APBA2: variants seen among roughly 807,000 people sequenced by gnomAD.
APBA2 encodes the protein amyloid-beta A4 precursor protein-binding family A member 2.
A neutral mutation model predicts 75.0 loss-of-function variants in APBA2; 30 were observed. The observed-to-expected ratio is 0.40, with a 90% CI of 0.30 to 0.54. The LOEUF is 0.54. Ranked by LOEUF, APBA2 falls within the 20% of genes least tolerant of loss-of-function variation. The pLI is 0.49. For synonymous variants in APBA2, 444 were observed against 409.6 expected, an observed-to-expected ratio of 1.08 and a Z score of -1.01; for missense variants, 801 against 1,016.1, an observed-to-expected ratio of 0.79 and a Z score of 2.88.
rs763170307 is a variant in APBA2, at chr15:29,107,523, G to A, written c.1917+704G>A. 3.9e-5 allele frequency among the ~76,000 whole-genome samples: 6 copies of A among 152,280 alleles called. No homozygotes were observed. The East Asian group carries it at 9.7e-4, about 25-fold the overall frequency. ...GGAAGCGCCTTCCTCCTCTTTGTTC[G>A]GCATGAGAGATGAAGGGCATTCCCC... is the stretch of plus-strand genomic sequence containing the variant. On this transcript the variant is annotated intron_variant, in intron 12 of 14. Transcript: ENST00000683413.
chr15:29,042,262 T>G (rs2041085220), intron 3 of APBA2, among the ~76,000 whole-genome samples: 1 of 152,142 alleles, frequency 6.6e-6, no homozygotes, highest in Admixed American at 6.5e-5. Flanking sequence ...AGTAATCCCC[T>G]TCCTCTCTCT....
intron 6 of APBA2, among the ~76,000 whole-genome samples, chr15:29,076,806 A>G (rs1287150876): frequency 6.6e-6 from 1 of 152,228 alleles, no homozygotes; most frequent in East Asian, 1.9e-4. Context: ...AATTCTTATA[A>G]ATATTTATGG....
intron 1 of APBA2, among the ~76,000 whole-genome samples, chr15:28,917,778 TA>T (rs1182823250): frequency 1.3e-5 from 2 of 152,208 alleles, no homozygotes; most frequent in African/African-American, 4.8e-5. Flanking sequence ...AGTAGATCGT[TA>T]GTTGCTTTTT....
chr15:29,055,571 A>G (rs1053649954), intron 4 of APBA2, among the ~76,000 whole-genome samples: 7 of 152,208 alleles, frequency 4.6e-5, no homozygotes, highest in African/African-American at 1.7e-4. Context: ...GACTTGTGTG[A>G]AGGAACTTCT....
intron 3 of APBA2, among the ~76,000 whole-genome samples, chr15:29,041,026 T>C (rs1415186131): frequency 7.0e-6 from 1 of 141,970 alleles, no homozygotes; most frequent in Non-Finnish European, 1.5e-5. Flanking sequence ...AGCAGGGCAA[T>C]ATGAAAAAAA....
intron 3 of APBA2, among the ~76,000 whole-genome samples, chr15:29,012,763 T>A (rs2039463142): frequency 6.6e-6 from 1 of 152,214 alleles, no homozygotes. Context: ...CCTCAAGTTC[T>A]TGTTGCCTTA....
intron 1 of APBA2, among the ~76,000 whole-genome samples, chr15:28,901,548 C>A (rs1440021588): frequency 6.6e-6 from 1 of 152,182 alleles, no homozygotes; most frequent in Non-Finnish European, 1.5e-5. Flanking sequence ...CATGACTTCT[C>A]TGTGCCCTGG....
At chr15:28,894,203 G>A (rs1386977915) in intron 1 of APBA2, among the ~76,000 whole-genome samples, 1 of 152,260 alleles carries the variant, frequency 6.6e-6, no homozygotes, top group East Asian at 1.9e-4. Flanking sequence ...CCGGGGGCAG[G>A]TACCCTTCAC....
chr15:29,058,698 C>T (rs1020101855), intron 4 of APBA2, among the ~76,000 whole-genome samples: 3 of 151,508 alleles, frequency 2.0e-5, no homozygotes, highest in African/African-American at 7.3e-5. Context: ...ATGAGAGGCA[C>T]AAAGGTGATA....
At chr15:28,925,998 A>G (rs73366719) in intron 2 of APBA2, among the ~76,000 whole-genome samples, 5,638 of 152,246 alleles carry the variant, frequency 0.037, 265 homozygotes, top group East Asian at 0.21. Flanking sequence ...TGGTACTCCA[A>G]CTTACTTTGA....
intron 1 of APBA2, among the ~76,000 whole-genome samples, chr15:28,892,446 G>A (rs1485923409): frequency 6.6e-6 from 1 of 152,166 alleles, no homozygotes; most frequent in Non-Finnish European, 1.5e-5. Flanking sequence ...TGTTACAGTT[G>A]CCCACAGTAT....
Position 29,098,507 on chromosome 15 carries a change from C to G in APBA2, c.1269C>G (p.Ala423=). 1 of 1,614,004 alleles carries G rather than the reference C, an allele frequency of 6.2e-7. No homozygotes were observed. Among genetic ancestry groups the G allele is most frequent in the Non-Finnish European group, 8.5e-7 (1 of 1,179,938 alleles). ...CTTCTTAGAATTCTGAGGGGGATGC[C>G]CAGACGCTGACGGAAGTGGACCTCT... ...IKKKANSEGD[A]QTLTEVDLFI... Residue 423 remains alanine (A), a synonymous_variant, in exon 9 of 15, where the codon GCC becomes GCG. Coordinates refer to ENST00000683413, the MANE Select transcript of APBA2 (RefSeq NM_001353788.2).
chr15:29,105,947 C>T (rs547488399), intron 11 of APBA2, among the ~76,000 whole-genome samples: 1 of 152,336 alleles, frequency 6.6e-6, no homozygotes, highest in Non-Finnish European at 1.5e-5. Flanking sequence ...AGTGGCTTCC[C>T]CCAGGGGACT....
chr15:28,939,391 C>T (rs1263698087), intron 2 of APBA2, among the ~76,000 whole-genome samples: 1 of 152,090 alleles, frequency 6.6e-6, no homozygotes, highest in Non-Finnish European at 1.5e-5. Context: ...AATTACTGGA[C>T]CATATGGTAG....
At chr15:29,029,955 G>A (rs2040403790) in intron 3 of APBA2, among the ~76,000 whole-genome samples, 1 of 152,156 alleles carries the variant, frequency 6.6e-6, no homozygotes, top group South Asian at 2.1e-4. Flanking sequence ...CAGACCACGC[G>A]GGCTACATGG....
rs1363046860 is a variant in APBA2, at chr15:28,909,073, G to T, written c.-204-12567G>T. Among the ~76,000 whole-genome samples, 49 of 146,382 alleles carry T rather than the reference G, an allele frequency of 3.3e-4. 2 individuals carry two copies. The highest frequency in any genetic ancestry group is 7.4e-5 in the Non-Finnish European group (5 of 67,470). On this transcript the variant is annotated intron_variant, in intron 1 of 14. Coordinates refer to ENST00000683413, the MANE Select transcript of APBA2 (RefSeq NM_001353788.2). ...GCAATCTCGGCTCACAGCAAGCTCC[G>T]CCTGCTAGGTTCACGCCATTCTCCT... is the stretch of plus-strand genomic sequence containing the variant.
rs185357309 is a variant in APBA2, at chr15:29,064,195, A to G, written c.951+9360A>G. 2.0e-5 allele frequency among the ~76,000 whole-genome samples: 3 copies of G among 152,228 alleles called. No homozygotes were observed. In the East Asian group the frequency reaches 5.8e-4, roughly 30 times the overall value. On this transcript the variant is annotated intron_variant, in intron 4 of 14. Transcript: ENST00000683413. ...AGGTAGGCAAGCTGGGCCTGGGACT[A>G]CCTGTCTCTCACCGACTCCAAATGA...
intron 2 of APBA2, among the ~76,000 whole-genome samples, chr15:28,987,755 C>A (rs868511159): frequency 4.3e-5 from 4 of 92,822 alleles, no homozygotes; most frequent in African/African-American, 2.2e-4. Flanking sequence ...TATATATATT[C>A]TTTTTTTTTT....
At chr15:28,977,234 T>G (rs12439432) in intron 2 of APBA2, 2 of 151,976 alleles carry the variant, frequency 1.3e-5, no homozygotes, top group Non-Finnish European at 2.9e-5. Context: ...TGCAGATGGC[T>G]GCCTTCTTCC....
Sources: allele counts gnomAD v4.1 joint callset (sites outside exome capture counted in the v4.1 genomes callset), GRCh38; gene constraint gnomAD v4.1.1; transcripts MANE v1.5; gene names NCBI Gene and HGNC (gene_info 2026-07-23, HGNC 2026-07-21).